GCLC: variants seen among roughly 807,000 people sequenced by gnomAD.
The protein encoded by GCLC is glutamate-cysteine ligase catalytic subunit, also known as glutamate--cysteine ligase catalytic subunit.
A neutral mutation model predicts 81.5 loss-of-function variants in GCLC; 30 were observed. The observed-to-expected ratio is 0.37, with a 90% CI of 0.28 to 0.50. The LOEUF (loss-of-function observed/expected upper bound fraction) is 0.50. Ranked by LOEUF, GCLC falls within the 20% of genes least tolerant of loss-of-function variation. The pLI, the probability that GCLC is intolerant of heterozygous loss-of-function variation, is 0.96. For synonymous variants in GCLC, 262 were observed against 273.3 expected (o/e 0.96, Z 0.41); for missense variants, 556 against 777.4 (o/e 0.72, Z 3.39).
chr6:53,538,519 G>A (rs1163417846), intron 1 of GCLC, among the ~76,000 whole-genome samples: 2 of 151,936 alleles, frequency 1.3e-5, no homozygotes, highest in Non-Finnish European at 2.9e-5. Context: ...TTTTAGTAGA[G>A]ACAAGGTTTC....
intron 1 of GCLC, among the ~76,000 whole-genome samples, chr6:53,540,557 A>C (rs1372385980): frequency 6.6e-6 from 1 of 152,138 alleles, no homozygotes; most frequent in Admixed American, 6.6e-5. Context: ...TCAATTATGC[A>C]AGATAAACTA....
intron 1 of GCLC, among the ~76,000 whole-genome samples, chr6:53,525,134 T>C (rs780597613): frequency 2.0e-5 from 3 of 152,248 alleles, no homozygotes; most frequent in Non-Finnish European, 4.4e-5. Context: ...AAGAATTTCC[T>C]GACGGTTTTT....
intron 6 of GCLC, among the ~76,000 whole-genome samples, chr6:53,511,909 G>A (rs1291270553): frequency 5.2e-5 from 6 of 114,682 alleles, no homozygotes; most frequent in Non-Finnish European, 7.1e-5. Flanking sequence ...TGGGGGGGGG[G>A]GTGGGAGGGG....
intron 4 of GCLC, 33 bp downstream of exon 4, chr6:53,516,076 G>T: frequency 1.7e-6 from 2 of 1,190,752 alleles, no homozygotes; most frequent in South Asian, 1.2e-5. Context: ...TCTAGTGAAG[G>T]GCATCTGCAT....
chr6:53,542,153 TA>T, intron 1 of GCLC, among the ~76,000 whole-genome samples: 1 of 152,332 alleles, frequency 6.6e-6, no homozygotes, highest in East Asian at 1.9e-4. Context: ...GCCCAGCCAT[TA>T]TTAGAGTCTT....
intron 1 of GCLC, among the ~76,000 whole-genome samples, 174 bp downstream of exon 1, chr6:53,544,322 A>ACG (rs1763408461): frequency 6.6e-6 from 1 of 152,338 alleles, no homozygotes; most frequent in East Asian, 1.9e-4. Flanking sequence ...ATGGCCCTGG[A>ACG]CGCGGACTAG....
At chr6:53,514,394 TACA>T in intron 5 of GCLC, 42 bp downstream of exon 5, 1 of 1,592,384 alleles carries the variant, frequency 6.3e-7, no homozygotes, top group Non-Finnish European at 8.6e-7. Context: ...TAAACAACAA[TACA>T]ACATGTCTCT....
At chr6:53,514,530 C>G (rs764556320) in intron 4 of GCLC, 33 bp from the exon 5 acceptor site, 2 of 1,481,218 alleles carry the variant, frequency 1.4e-6, no homozygotes, top group South Asian at 2.3e-5. Context: ...ATAAATTGGT[C>G]ACCTAAGAGT....
chr6:53,515,274 T>C (rs1003480010), intron 4 of GCLC, among the ~76,000 whole-genome samples: 12 of 152,250 alleles, frequency 7.9e-5, no homozygotes, highest in African/African-American at 2.7e-4. Flanking sequence ...ACCTCTTCCG[T>C]GAAGCCTGCT....
At chr6:53,507,292 G>A (rs1764635096) in intron 9 of GCLC, among the ~76,000 whole-genome samples, 188 bp downstream of exon 9, 1 of 152,142 alleles carries the variant, frequency 6.6e-6, no homozygotes, top group Non-Finnish European at 1.5e-5. Context: ...AGCTCCTTTT[G>A]CTAAAAATCA....
chr6:53,508,231 C>A (rs1010665434), intron 8 of GCLC, among the ~76,000 whole-genome samples: 2 of 152,106 alleles, frequency 1.3e-5, no homozygotes, highest in African/African-American at 4.8e-5. Context: ...ACAAGAGGTG[C>A]CATCTCACCC....
chr6:53,507,001 T>C lies in GCLC; in HGVS notation c.1109A>G (p.His370Arg), dbSNP rs121907946. ...GTCTCTAATAAAGAGATGAGCAACA[T>C]GCTGGGCCAGGAGATGATCAATGCC... Reference protein sequence around the residue: ...QEGIDHLLAQHVAHLFIRDPL... With the variant: ...QEGIDHLLAQRVAHLFIRDPL... The change falls in exon 10 of 16, where the codon CAT becomes CGT. Residue 370 changes from histidine to arginine, a missense_variant. His to Arg is a conservative substitution (Grantham distance 29). This residue lies in a region of GCLC where 313 missense variants were observed against 437.3 expected (regional missense o/e 0.72). Transcript: ENST00000650454. 2 of 1,609,136 alleles carry C rather than the reference T, an allele frequency of 1.2e-6. No individual in the cohort carries two copies. Among genetic ancestry groups the C allele is most frequent in the Non-Finnish European group, 8.5e-7 (1 of 1,175,610 alleles).
Position 53,498,984 on chromosome 6 carries a change from A to G in GCLC, c.1703-17T>C. The G allele has an allele frequency of 6.4e-7, 1 of 1,561,960 alleles. No homozygotes were observed. Among genetic ancestry groups the G allele is most frequent in the Non-Finnish European group, 8.8e-7 (1 of 1,133,712 alleles). On this transcript the variant is annotated splice_polypyrimidine_tract_variant and intron_variant, in intron 15 of 15. Coordinates refer to ENST00000650454, the MANE Select transcript of GCLC (RefSeq NM_001498.4). ...TTAGTTCTCCTGTGGGCGAGGGGGG[A>G]GCGAAAAAAAAATTAAAACCACGTA...
chr6:53,536,921 G>A lies in GCLC; in HGVS notation c.150+7575C>T, dbSNP rs74604544. Reference sequence around the variant, plus strand: ...ATAGAAGACTAATACACTTTTTTTCGATTCTACTTTTCTCATGCTTTTAAA... The same window carrying A: ...ATAGAAGACTAATACACTTTTTTTCAATTCTACTTTTCTCATGCTTTTAAA... On this transcript the variant is annotated intron_variant, in intron 1 of 15. Coordinates refer to ENST00000650454, the MANE Select transcript of GCLC (RefSeq NM_001498.4). 2.1e-3 allele frequency among the ~76,000 whole-genome samples: 319 copies of A among 151,930 alleles called. 9 individuals carry two copies. In the East Asian group the frequency reaches 0.052, roughly 25 times the overall value.
intron 2 of GCLC, among the ~76,000 whole-genome samples, chr6:53,521,536 T>C (rs1437272999): frequency 1.3e-5 from 2 of 152,104 alleles, no homozygotes; most frequent in Non-Finnish European, 2.9e-5. Context: ...GAGAAGGAGA[T>C]GAGGCCTTAA....
chr6:53,509,138 C>T (rs182558102), intron 7 of GCLC, 38 bp downstream of exon 7: 118 of 1,197,576 alleles, frequency 9.9e-5, no homozygotes, highest in East Asian at 6.5e-4. Context: ...TTATTTCATA[C>T]GAAGTAGTAT....
chr6:53,513,965 T>A, intron 6 of GCLC: 1 of 507,760 alleles, frequency 2.0e-6, no homozygotes, highest in Non-Finnish European at 3.5e-6. Flanking sequence ...ATTACAGTTA[T>A]AAAGGTATAT....
chr6:53,502,967 ACTCT>A (rs1252439852), intron 12 of GCLC, among the ~76,000 whole-genome samples: 2 of 152,074 alleles, frequency 1.3e-5, no homozygotes, highest in African/African-American at 4.8e-5. Context: ...TGAAATTATA[ACTCT>A]CTAAGTGTCA....
At chr6:53,528,848 A>C (rs1192639577) in intron 1 of GCLC, among the ~76,000 whole-genome samples, 1 of 152,222 alleles carries the variant, frequency 6.6e-6, no homozygotes, top group Non-Finnish European at 1.5e-5. Context: ...TCTCAGCCCA[A>C]ACAGAGAAAA....
Sources: allele counts gnomAD v4.1 joint callset (sites outside exome capture counted in the v4.1 genomes callset), GRCh38; gene constraint gnomAD v4.1.1; regional missense constraint gnomAD v4.1.1; transcripts MANE v1.5; gene names NCBI Gene and HGNC (gene_info 2026-07-23, HGNC 2026-07-21).